The following MRLN variants were observed in gnomAD, a reference collection of about 807,000 sequenced individuals.
MRLN encodes Linc-RNA activator of myogenesis.
chr10:59,742,849 C>A (rs1182125182), intron 1 of MRLN, among the ~76,000 whole-genome samples: 4 of 152,102 alleles, frequency 2.6e-5, no homozygotes, highest in Non-Finnish European at 5.9e-5. Flanking sequence ...CCACCTCAGC[C>A]TCATGAGTAG....
chr10:59,744,067 C>A, intron 1 of MRLN: 1 of 174,762 alleles, frequency 5.7e-6, no homozygotes, highest in Non-Finnish European at 1.2e-5. Flanking sequence ...GAGATTGCAG[C>A]CTCTGCCCGG....
At position 59,736,724 on chromosome 10, in the gene MRLN, C is replaced by T. The variant is rs73267546; in HGVS notation, c.*336G>A. On this transcript the variant is annotated 3_prime_UTR_variant, in exon 3 of 3. Coordinates refer to ENST00000414264, the MANE Select transcript of MRLN (RefSeq NM_001304731.2). The stretch of plus-strand genomic sequence containing the variant: ...GGGATTTCTTCAGGTTGCTCAGGCC[C>T]GTATCGAACTCCTGCACTCAAGGGA... 0.043 allele frequency: 6,625 copies of T among 154,348 alleles called. 509 individuals are homozygous for T. The highest frequency in any genetic ancestry group is 0.15 in the African/African-American group (6,250 of 41,564). The allele number at this position is 154,348 out of a possible 1,614,324, so 9.6% of individuals were successfully genotyped here. A position where few individuals can be genotyped will look rare whatever the true frequency, so the allele number is the denominator to read the frequency against.
rs1337375012 is a variant in MRLN, at chr10:59,744,013, C to A, written c.-124-5451G>T. Among the ~76,000 whole-genome samples the A allele has an allele frequency of 2.0e-5, 3 of 152,154 alleles. No individual in the cohort carries two copies. The East Asian group carries it at 5.8e-4, about 29-fold the overall frequency. ...GCAGTGGCGTGATCTCGGCTCGCTA[C>A]AACCGCCACCTCCCAGCCGCCTGCC... On this transcript the variant is annotated intron_variant, in intron 1 of 2. Transcript: ENST00000414264.
intron 1 of MRLN, among the ~76,000 whole-genome samples, chr10:59,744,447 G>A (rs1178583774): frequency 1.3e-5 from 2 of 151,310 alleles, no homozygotes; most frequent in Admixed American, 6.6e-5. Flanking sequence ...TCCGGGAGGC[G>A]GGGAGCAGCC....
At chr10:59,742,610 G>GT (rs1564725726) in intron 1 of MRLN, among the ~76,000 whole-genome samples, 1 of 152,124 alleles carries the variant, frequency 6.6e-6, no homozygotes, top group Non-Finnish European at 1.5e-5. Context: ...CTTTTTAACT[G>GT]TTTATTAAAC....
chr10:59,749,621 C>A (rs1010520643), intron 1 of MRLN, among the ~76,000 whole-genome samples: 1 of 151,748 alleles, frequency 6.6e-6, no homozygotes, highest in African/African-American at 2.4e-5. Context: ...TTGAACCTGG[C>A]AGGCAGAGGT....
intron 1 of MRLN, among the ~76,000 whole-genome samples, chr10:59,744,509 T>C (rs1171588): frequency 0.94 from 141,678 of 150,280 alleles, 66,949 homozygotes; most frequent in East Asian, 1. Flanking sequence ...CCCGCCCGGC[T>C]GCCACCCCGT....
chr10:59,740,494 C>T (rs781490566), intron 1 of MRLN, among the ~76,000 whole-genome samples: 30 of 151,796 alleles, frequency 2.0e-4, no homozygotes, highest in Non-Finnish European at 3.5e-4. Flanking sequence ...GACAAGATGC[C>T]GACGTGGACG....
intron 1 of MRLN, among the ~76,000 whole-genome samples, chr10:59,747,080 G>A (rs968661533): frequency 1.3e-5 from 2 of 152,218 alleles, no homozygotes; most frequent in African/African-American, 2.4e-5. Context: ...GATTACAGGC[G>A]TGAGCCACTG....
chr10:59,750,231 C>T (rs189846926), intron 1 of MRLN, among the ~76,000 whole-genome samples: 19 of 152,062 alleles, frequency 1.2e-4, no homozygotes, highest in Non-Finnish European at 2.6e-4. Context: ...ACCACCACAC[C>T]GGTTAATTTT....
chr10:59,745,761 G>T (rs1841037649), intron 1 of MRLN, among the ~76,000 whole-genome samples: 1 of 152,066 alleles, frequency 6.6e-6, no homozygotes, highest in African/African-American at 2.4e-5. Context: ...AGGAACCCCT[G>T]GTTTCTAGGA....
At position 59,742,641 on chromosome 10, in the gene MRLN, G is replaced by C. The variant is rs564797367; in HGVS notation, c.-124-4079C>G. ...TAAACTGTACATAGAAGCTTCATGTGATTTATTTCCTTCCTTCCTTCCTTC... is the reference window on the plus strand; with the variant it reads ...TAAACTGTACATAGAAGCTTCATGTCATTTATTTCCTTCCTTCCTTCCTTC... On this transcript the variant is annotated intron_variant, in intron 1 of 2. Transcript: ENST00000414264. Among the ~76,000 whole-genome samples the C allele has an allele frequency of 2.6e-3, 397 of 152,166 alleles. 5 individuals are homozygous for C. The highest frequency in any genetic ancestry group is 4.3e-3 in the Non-Finnish European group (290 of 67,990).
intron 1 of MRLN, among the ~76,000 whole-genome samples, chr10:59,751,728 C>T (rs1263290843): frequency 6.6e-6 from 1 of 150,760 alleles, no homozygotes; most frequent in Admixed American, 6.6e-5. Context: ...ATGAGTAAGC[C>T]CATTCTGACT....
chr10:59,745,785 G>T (rs749921468), intron 1 of MRLN, among the ~76,000 whole-genome samples: 19 of 152,154 alleles, frequency 1.2e-4, no homozygotes, highest in Non-Finnish European at 2.2e-4. Context: ...GGACTTCATT[G>T]TATCCTCTGT....
chr10:59,746,919 C>A (rs1171591), intron 1 of MRLN, among the ~76,000 whole-genome samples: 4 of 152,280 alleles, frequency 2.6e-5, no homozygotes, highest in African/African-American at 9.6e-5. Context: ...CCTGCCTCAG[C>A]CTCCTGAGTA....
chr10:59,743,502 T>C (rs766960111), intron 1 of MRLN, among the ~76,000 whole-genome samples: 1 of 152,128 alleles, frequency 6.6e-6, no homozygotes. Context: ...GGGTTCCTGT[T>C]TGGTTTTTGC....
At chr10:59,748,694 T>C (rs1278785443) in intron 1 of MRLN, among the ~76,000 whole-genome samples, 3 of 152,202 alleles carry the variant, frequency 2.0e-5, no homozygotes, top group Non-Finnish European at 4.4e-5. Context: ...TGCAGAGACT[T>C]GTCTGAGGTC....
intron 1 of MRLN, among the ~76,000 whole-genome samples, chr10:59,740,986 C>G (rs1182555400): frequency 6.6e-6 from 1 of 151,972 alleles, no homozygotes; most frequent in Non-Finnish European, 1.5e-5. Context: ...TTAGTAAAGA[C>G]GGTATTTCAC....
chr10:59,749,363 G>A (rs974625084), intron 1 of MRLN, among the ~76,000 whole-genome samples: 9 of 152,174 alleles, frequency 5.9e-5, no homozygotes, highest in Admixed American at 5.9e-4. Flanking sequence ...CAATGCCCAC[G>A]GCCTTAGCCA....
Sources: allele counts gnomAD v4.1 joint callset (sites outside exome capture counted in the v4.1 genomes callset), GRCh38; gene constraint gnomAD v4.1.1; transcripts MANE v1.5; gene names NCBI Gene and HGNC (gene_info 2026-07-23, HGNC 2026-07-21).